The following SPRY1 variants were observed in gnomAD, a reference collection of about 807,000 sequenced individuals.
The protein encoded by SPRY1 is protein sprouty homolog 1.
Under a neutral mutation model 22.6 loss-of-function variants are expected in SPRY1, and 20 were observed. The ratio of observed to expected loss-of-function variants is 0.89; its 90% confidence interval spans 0.62 to 1.29. The LOEUF (loss-of-function observed/expected upper bound fraction) is 1.29. SPRY1 is among the 50% of genes most tolerant of loss of function. The pLI is 0.00. For missense variants in SPRY1, 446 were observed against 387.7 expected (o/e 1.15, Z -1.26); for synonymous variants, 155 against 144.7 (o/e 1.07, Z -0.51).
In SPRY1 at chr4:123,401,551, G is replaced by T; in HGVS notation, c.-41G>T. On this transcript the variant is annotated 5_prime_UTR_variant, in exon 3 of 3. An upstream start codon of the reference 5' UTR is lost. Coordinates refer to ENST00000651917, the MANE Select transcript of SPRY1 (RefSeq NM_001258038.2). ...TTTCGTTTTAGGATTTCAGATGCAT[G>T]CCAGGTTTCCACTGATTGCCAGAAC... is the stretch of plus-strand genomic sequence containing the variant. 2.5e-6 allele frequency: 4 copies of T among 1,571,566 alleles called. No homozygotes were observed. The highest frequency in any genetic ancestry group is 1.2e-5 in the South Asian group (1 of 84,068).
intron 2 of SPRY1, chr4:123,399,698 GCT>G (rs1725071350): frequency 6.6e-6 from 1 of 152,276 alleles, no homozygotes; most frequent in Non-Finnish European, 1.5e-5. Context: ...GACGCTGAAG[GCT>G]CTTCATGATT....
At chr4:123,400,793 TA>T (rs955401813) in intron 2 of SPRY1, among the ~76,000 whole-genome samples, 4 of 152,038 alleles carry the variant, frequency 2.6e-5, no homozygotes, top group African/African-American at 4.8e-5. Context: ...CCCTTCAGCT[TA>T]AAAAAAATCC....
chr4:123,400,572 A>AT, intron 2 of SPRY1, among the ~76,000 whole-genome samples: 1 of 152,314 alleles, frequency 6.6e-6, no homozygotes, highest in South Asian at 2.1e-4. Flanking sequence ...ACAACTGCTT[A>AT]TTTTTATCTG....
Position 123,398,013 on chromosome 4 carries a change from C to G in SPRY1, c.-56+157C>G, listed in dbSNP as rs184217136. The G allele has an allele frequency of 1.7e-3, 255 of 152,192 alleles. 1 individual carries two copies. Among genetic ancestry groups the G allele is most frequent in the Non-Finnish European group, 1.6e-3 (110 of 68,026 alleles). 9.4% of individuals were successfully genotyped at this position (152,192 alleles called of 1,614,324 possible). On this transcript the variant is annotated intron_variant, in intron 2 of 2. Coordinates refer to ENST00000651917, the MANE Select transcript of SPRY1 (RefSeq NM_001258038.2). ...GCTGCGGAGTCTCGAACGCCCGTGA[C>G]GTGGATTTTTCGCTCGTCAGGAAGC...
At position 123,402,840 on chromosome 4, in the gene SPRY1, A is replaced by G. The variant is rs1725230110; in HGVS notation, c.*289A>G. The G allele has an allele frequency of 7.7e-6, 4 of 516,148 alleles. 1 individual carries two copies. The highest frequency in any genetic ancestry group is 8.7e-5 in the South Asian group (2 of 22,890). The allele number at this position is 516,148 out of a possible 1,614,324, so 32.0% of individuals were successfully genotyped here. A position where few individuals can be genotyped will look rare whatever the true frequency, so the allele number is the denominator to read the frequency against. ...GTGTAGCCTTTTTGTTCTGCAAGCA[A>G]CTTTCTAAAGTTGTGTACATGAACA... On this transcript the variant is annotated 3_prime_UTR_variant, in exon 3 of 3. Coordinates refer to ENST00000651917, the MANE Select transcript of SPRY1 (RefSeq NM_001258038.2).
chr4:123,402,151 G>A lies in SPRY1; in HGVS notation c.560G>A (p.Cys187Tyr). The A allele has an allele frequency of 6.2e-7, 1 of 1,614,232 alleles. No homozygotes were observed. Among genetic ancestry groups the A allele is most frequent in the South Asian group, 1.1e-5 (1 of 91,082 alleles). Residue 187 changes from cysteine (C) to tyrosine (Y), a missense_variant, in exon 3 of 3, where the codon TGC (cysteine) becomes TAC (tyrosine). Transcript: ENST00000651917. ...HKFICEQCGK[C>Y]KCGECTAPRT... Reference sequence around the variant, plus strand: ...TTCATTTGTGAACAGTGTGGGAAGTGCAAGTGTGGAGAATGCACTGCTCCC... The same window carrying A: ...TTCATTTGTGAACAGTGTGGGAAGTACAAGTGTGGAGAATGCACTGCTCCC...
rs1170055673 is a variant in SPRY1 at position 123,401,039 on chromosome 4, T to A, written c.-55-498T>A. ...GAGTCTCAATTTTTTAATGCCTTAA[T>A]TTTTTTCATCATTAATCTAATGCAT... On this transcript the variant is annotated intron_variant, in intron 2 of 2. Transcript: ENST00000651917. Among the ~76,000 whole-genome samples the A allele has an allele frequency of 3.9e-5, 6 of 152,172 alleles. No homozygotes were observed. The East Asian group carries it at 1.2e-3, about 29-fold the overall frequency.
rs968045586 is a variant in SPRY1, at chr4:123,402,691, T to C, written c.*140T>C. 22 of 1,119,840 alleles carry C rather than the reference T, an allele frequency of 2.0e-5. No homozygotes were observed. Among genetic ancestry groups the C allele is most frequent in the Non-Finnish European group, 2.6e-5 (21 of 796,880 alleles). The allele number at this position is 1,119,840 out of a possible 1,614,324, so 69.4% of individuals were successfully genotyped here. On this transcript the variant is annotated 3_prime_UTR_variant, in exon 3 of 3. Transcript: ENST00000651917. ...TCCCCTGTTGCCAAGGTCTAACTCA[T>C]GGATTTTTCTCTTTCCTCATGGATG...
At position 123,401,704 on chromosome 4, in the gene SPRY1, T is replaced by C. The variant is rs772531944; in HGVS notation, c.113T>C (p.Ile38Thr). 3 of 1,614,048 alleles carry C rather than the reference T, an allele frequency of 1.9e-6. No individual in the cohort carries two copies. Among genetic ancestry groups the C allele is most frequent in the Non-Finnish European group, 2.5e-6 (3 of 1,180,040 alleles). The change falls in exon 3 of 3, where the codon ATT (isoleucine) becomes ACT (threonine). Residue 38 changes from isoleucine to threonine, a missense_variant. Transcript: ENST00000651917. ...GAGAGAGAGATTCAGCCTACTGCTA[T>C]TTTGTCCTTAGACCAGATCAAGGCC... The part of the protein sequence containing the change: ...DYEREIQPTA[I>T]LSLDQIKAIR...
rs371925602 is a variant in SPRY1 at position 123,402,026 on chromosome 4, C to T, written c.435C>T (p.Val145=). ...GAAGGTCACCACCAACCAGACCAGT[C>T]CCTGGTCATAGGTCTGAAAGGGCAA... ...LLGRSPPTRP[V]PGHRSERAIR... is the part of the protein sequence containing the mutation. The change falls in exon 3 of 3, where the codon GTC becomes GTT. Residue 145 remains valine (V), a synonymous_variant. Coordinates refer to ENST00000651917, the MANE Select transcript of SPRY1 (RefSeq NM_001258038.2). The T allele has an allele frequency of 3.7e-6, 6 of 1,614,108 alleles. No individual in the cohort carries two copies. In the East Asian group the frequency reaches 6.7e-5, roughly 18 times the overall value.
At position 123,402,139 on chromosome 4, in the gene SPRY1, A is replaced by AGT; in HGVS notation, c.552_553dup (p.Gly185ValfsTer41). 1 of 1,614,214 alleles carries AGT rather than the reference A, an allele frequency of 6.2e-7. No homozygotes were observed. Among genetic ancestry groups the AGT allele is most frequent in the South Asian group, 1.1e-5 (1 of 91,076 alleles). On this transcript the variant is annotated frameshift_variant, in exon 3 of 3. Coordinates refer to ENST00000651917, the MANE Select transcript of SPRY1 (RefSeq NM_001258038.2). LOFTEE classifies it high-confidence loss of function. Reference sequence around the variant, plus strand: ...ACACAGCACAAGTTCATTTGTGAACAGTGTGGGAAGTGCAAGTGTGGAGAA... The same window carrying AGT: ...ACACAGCACAAGTTCATTTGTGAACAGTGTGTGGGAAGTGCAAGTGTGGAGAA...
rs370525822 is a variant in SPRY1, at chr4:123,401,843, T to C, written c.252T>C (p.Asn84=). ...HERTHEIIPI[N]VNNNYEHRHT... ...GGACTCATGAAATCATACCAATTAATGTGAATAATAACTACGAGCACAGAC... is the reference window on the plus strand; with the variant it reads ...GGACTCATGAAATCATACCAATTAACGTGAATAATAACTACGAGCACAGAC... The change falls in exon 3 of 3, where the codon AAT becomes AAC. Residue 84 remains asparagine, a synonymous_variant. Transcript: ENST00000651917. 13 of 1,614,032 alleles carry C rather than the reference T, an allele frequency of 8.1e-6. No individual in the cohort carries two copies. The highest frequency in any genetic ancestry group is 1.1e-5 in the Non-Finnish European group (13 of 1,180,040).
At chr4:123,399,204 C>A (rs28477228) in intron 2 of SPRY1, among the ~76,000 whole-genome samples, 1 of 151,912 alleles carries the variant, frequency 6.6e-6, no homozygotes, top group African/African-American at 2.4e-5. Flanking sequence ...GATGAAACCC[C>A]GTCTTTACTA....
Position 123,402,575 on chromosome 4 carries a change from C to T in SPRY1, c.*24C>T. The T allele has an allele frequency of 6.4e-7, 1 of 1,559,766 alleles. No individual in the cohort carries two copies. Among genetic ancestry groups the T allele is most frequent in the Middle Eastern group, 1.7e-4 (1 of 5,782 alleles). ...GATTTTTGGAGGTGGGTTGTACCTC[C>T]TGAACTTTTAGCTTTCAAGTTGTGG... is the stretch of plus-strand genomic sequence containing the variant. On this transcript the variant is annotated 3_prime_UTR_variant, in exon 3 of 3. Coordinates refer to ENST00000651917, the MANE Select transcript of SPRY1 (RefSeq NM_001258038.2).
Position 123,402,604 on chromosome 4 carries a change from TTTTTTG to T in SPRY1, c.*76_*81del, listed in dbSNP as rs566242109. 2.1e-4 allele frequency: 317 copies of T among 1,534,752 alleles called. 1 individual carries two copies. The highest frequency in any genetic ancestry group is 1.6e-3 in the South Asian group (128 of 77,674). On this transcript the variant is annotated 3_prime_UTR_variant, in exon 3 of 3. Transcript: ENST00000651917. ...ACTTTTAGCTTTCAAGTTGTGGCTG[TTTTTTG>T]TTTTTGTTTTTGTTTTTGTTTTCTT...
chr4:123,397,619 G>C lies in SPRY1; in HGVS notation c.-293G>C, dbSNP rs2126194290. The C allele has an allele frequency of 6.6e-6, 1 of 152,204 alleles. No individual in the cohort carries two copies. The highest frequency in any genetic ancestry group is 1.5e-5 in the Non-Finnish European group (1 of 68,026). 9.4% of individuals were successfully genotyped at this position (152,204 alleles called of 1,614,324 possible). On this transcript the variant is annotated 5_prime_UTR_variant, in exon 2 of 3. Transcript: ENST00000651917. Reference sequence around the variant, plus strand: ...CTAATTCTCTGTCGCAGGCATTTCGGCCGTGGAACCCCAGGCTCGGAGGAC... The same window carrying C: ...CTAATTCTCTGTCGCAGGCATTTCGCCCGTGGAACCCCAGGCTCGGAGGAC...
Position 123,402,612 on chromosome 4 carries a change from TTTTG to T in SPRY1, c.*65_*68del. 1.3e-6 allele frequency: 2 copies of T among 1,514,046 alleles called. No individual in the cohort carries two copies. The highest frequency in any genetic ancestry group is 1.8e-6 in the Non-Finnish European group (2 of 1,132,936). The allele number at this position is 1,514,046 out of a possible 1,614,324, so 93.8% of individuals were successfully genotyped here. ...CTTTCAAGTTGTGGCTGTTTTTTGT[TTTTG>T]TTTTTGTTTTTGTTTTCTTTAGAAT... is the stretch of plus-strand genomic sequence containing the variant. On this transcript the variant is annotated 3_prime_UTR_variant, in exon 3 of 3. Coordinates refer to ENST00000651917, the MANE Select transcript of SPRY1 (RefSeq NM_001258038.2).
In SPRY1 at chr4:123,402,448, G is replaced by C. The variant is rs1268162395; in HGVS notation, c.857G>C (p.Cys286Ser). 3 of 1,614,036 alleles carry C rather than the reference G, an allele frequency of 1.9e-6. No homozygotes were observed. The highest frequency in any genetic ancestry group is 3.3e-5 in the Admixed American group (2 of 59,994). Reference sequence around the variant, plus strand: ...GGATGCCTGAAGCTGTGCAGGAGGTGTTATGACTGGATCCATCGCCCAGGG... The same window carrying C: ...GGATGCCTGAAGCTGTGCAGGAGGTCTTATGACTGGATCCATCGCCCAGGG... ...AKGCLKLCRR[C>S]YDWIHRPGCR... Residue 286 changes from cysteine (C) to serine (S), a missense_variant, in exon 3 of 3, where the codon TGT (cysteine) becomes TCT (serine). Transcript: ENST00000651917.
intron 2 of SPRY1, among the ~76,000 whole-genome samples, chr4:123,400,727 G>C (rs568241075): frequency 1.3e-5 from 2 of 152,218 alleles, no homozygotes; most frequent in African/African-American, 4.8e-5. Context: ...TCCCTACACT[G>C]CGTTAAAGGC....
Sources: gnomAD v4.1 joint callset for allele counts (sites outside exome capture counted in the v4.1 genomes callset) on GRCh38, gnomAD v4.1.1 for gene constraint, MANE v1.5 for transcripts, NCBI Gene and HGNC (gene_info 2026-07-23, HGNC 2026-07-21) for gene names.